The following PARD3B variants were observed in gnomAD, a reference collection of about 807,000 sequenced individuals.
The protein encoded by PARD3B is partitioning defective 3 homolog B.
PARD3B carries 103 observed loss-of-function variants against 130.2 expected under a neutral mutation model. The observed-to-expected ratio is 0.79, with a 90% CI of 0.67 to 0.93. The LOEUF (loss-of-function observed/expected upper bound fraction) is 0.93, where lower values mean the gene tolerates loss of function less well. Ranked by LOEUF, PARD3B falls within the 40% of genes least tolerant of loss-of-function variation. The pLI, the probability that PARD3B is intolerant of heterozygous loss-of-function variation, is 0.00. For missense variants in PARD3B, 1,609 were observed against 1,499.2 expected, an observed-to-expected ratio of 1.07 and a Z score of -1.21; for synonymous variants, 583 against 553.2, an observed-to-expected ratio of 1.05 and a Z score of -0.76.
chr2:205,318,442 C>T (rs536085105), intron 18 of PARD3B, among the ~76,000 whole-genome samples: 13 of 152,242 alleles, frequency 8.5e-5, no homozygotes, highest in African/African-American at 1.2e-4. Flanking sequence ...CATTAAATGT[C>T]GAGTGATATG....
intron 22 of PARD3B, among the ~76,000 whole-genome samples, chr2:205,567,028 G>A (rs6743334): frequency 0.96 from 145,619 of 152,306 alleles, 69,933 homozygotes; most frequent in East Asian, 1. Flanking sequence ...AAGAAGAAAC[G>A]GTGGAAACTG....
At chr2:204,953,297 T>G (rs1400189740) in intron 2 of PARD3B, among the ~76,000 whole-genome samples, 2 of 152,138 alleles carry the variant, frequency 1.3e-5, no homozygotes, top group Non-Finnish European at 2.9e-5. Context: ...TTTTCTTTAT[T>G]TGTCTTTATG....
chr2:204,854,219 G>C (rs1386669146), intron 2 of PARD3B, among the ~76,000 whole-genome samples: 2 of 152,160 alleles, frequency 1.3e-5, no homozygotes, highest in Non-Finnish European at 2.9e-5. Context: ...GAGTAAATTG[G>C]AATAAAGATG....
rs1306360709 is a variant in PARD3B, at chr2:205,054,420, ATATATATATATATATATTTT to A, written c.504+6732_504+6751del. Among the ~76,000 whole-genome samples the A allele has an allele frequency of 7.1e-4, 13 of 18,274 alleles. 1 individual carries two copies. Among genetic ancestry groups the A allele is most frequent in the Admixed American group, 4.2e-3 (10 of 2,358 alleles). The allele number at this position is 18,274 out of a possible 152,430, so 12.0% of individuals were successfully genotyped here. On this transcript the variant is annotated intron_variant, in intron 4 of 22. Coordinates refer to ENST00000406610, the MANE Select transcript of PARD3B (RefSeq NM_001302769.2). ...ACATGTCTTTTATATATATATATAT[ATATATATATATATATATTTT>A]TTTTTTTTTTTTTTTTTAATTATAC...
At chr2:204,693,200 A>T (rs1480753626) in intron 2 of PARD3B, among the ~76,000 whole-genome samples, 1 of 151,972 alleles carries the variant, frequency 6.6e-6, no homozygotes, top group Non-Finnish European at 1.5e-5. Context: ...TCTTTCCTTT[A>T]TCCTTTCCCA....
chr2:204,754,486 TATA>T (rs1264747183), intron 2 of PARD3B, among the ~76,000 whole-genome samples: 5 of 152,162 alleles, frequency 3.3e-5, no homozygotes, highest in Admixed American at 6.6e-5. Flanking sequence ...AGAAAGTAAG[TATA>T]ATAATAGAAC....
intron 2 of PARD3B, among the ~76,000 whole-genome samples, chr2:204,948,375 G>A (rs1689498907): frequency 6.6e-6 from 1 of 152,182 alleles, no homozygotes; most frequent in Non-Finnish European, 1.5e-5. Context: ...CTCCCCATAA[G>A]CTAGAAGCAA....
intron 1 of PARD3B, among the ~76,000 whole-genome samples, chr2:204,569,368 T>C (rs765776903): frequency 1.6e-4 from 24 of 152,216 alleles, no homozygotes; most frequent in Non-Finnish European, 2.4e-4. Flanking sequence ...CCAATTCAGA[T>C]AGTAGATTTG....
At chr2:205,231,411 C>T (rs1011625061) in intron 15 of PARD3B, among the ~76,000 whole-genome samples, 2 of 151,480 alleles carry the variant, frequency 1.3e-5, no homozygotes, top group Admixed American at 6.6e-5. Flanking sequence ...ACTGCAGCCT[C>T]GACCTCCTGG....
intron 2 of PARD3B, among the ~76,000 whole-genome samples, chr2:204,913,725 A>G (rs992714448): frequency 6.6e-6 from 1 of 152,236 alleles, no homozygotes; most frequent in African/African-American, 2.4e-5. Flanking sequence ...CAGTGCCCCA[A>G]TAGACACATA....
At chr2:204,714,935 T>G (rs1386463081) in intron 2 of PARD3B, among the ~76,000 whole-genome samples, 1 of 152,216 alleles carries the variant, frequency 6.6e-6, no homozygotes, top group African/African-American at 2.4e-5. Context: ...GCTGAATGGC[T>G]TTCATGTTAC....
Position 205,011,638 on chromosome 2 carries a change from A to G in PARD3B, c.395-35943A>G, listed in dbSNP as rs1222888399. On this transcript the variant is annotated intron_variant, in intron 3 of 22. Coordinates refer to ENST00000406610, the MANE Select transcript of PARD3B (RefSeq NM_001302769.2). The surrounding 1 kb of genome is among the most constrained non-coding windows in gnomAD (Gnocchi z 4.1). The stretch of plus-strand genomic sequence containing the variant: ...GTGGCCGTCTTGGAGACAGGCTGCC[A>G]TGGACTTCTTTTCTCAATTATTTTC... Among the ~76,000 whole-genome samples, 2 of 152,110 alleles carry G rather than the reference A, an allele frequency of 1.3e-5. No individual in the cohort carries two copies. The highest frequency in any genetic ancestry group is 2.4e-5 in the African/African-American group (1 of 41,430).
intron 20 of PARD3B, among the ~76,000 whole-genome samples, chr2:205,485,861 G>A (rs878900321): frequency 2.0e-5 from 3 of 152,048 alleles, no homozygotes; most frequent in Admixed American, 2.0e-4. Flanking sequence ...GGCCTTTCCT[G>A]ACCTCCCCAA....
At chr2:205,186,776 A>G (rs942411172) in intron 14 of PARD3B, among the ~76,000 whole-genome samples, 1 of 152,188 alleles carries the variant, frequency 6.6e-6, no homozygotes, top group Admixed American at 6.5e-5. Context: ...GATAATCATA[A>G]TAATATTCTA....
chr2:205,447,019 C>T (rs971938802), intron 20 of PARD3B, among the ~76,000 whole-genome samples: 1 of 152,136 alleles, frequency 6.6e-6, no homozygotes, highest in Non-Finnish European at 1.5e-5. Context: ...TGATTGCACA[C>T]AGTATCAGTA....
At chr2:204,980,324 A>C (rs1357402931) in intron 3 of PARD3B, among the ~76,000 whole-genome samples, 1 of 152,224 alleles carries the variant, frequency 6.6e-6, no homozygotes, top group Non-Finnish European at 1.5e-5. Context: ...GTAAATTTGC[A>C]TGAGCCCATA....
At chr2:204,949,430 G>A (rs1291626502) in intron 2 of PARD3B, among the ~76,000 whole-genome samples, 4 of 151,852 alleles carry the variant, frequency 2.6e-5, no homozygotes, top group Non-Finnish European at 5.9e-5. Context: ...TGATCCTCCT[G>A]CCTCAGCCTC....
intron 2 of PARD3B, among the ~76,000 whole-genome samples, chr2:204,822,489 A>G (rs1292885740): frequency 6.6e-6 from 1 of 152,232 alleles, no homozygotes; most frequent in African/African-American, 2.4e-5. Context: ...AACAAAATAC[A>G]AGCACTACAT....
intron 2 of PARD3B, among the ~76,000 whole-genome samples, chr2:204,855,944 C>T (rs2044917529): frequency 6.6e-6 from 1 of 152,098 alleles, no homozygotes; most frequent in Admixed American, 6.6e-5. Flanking sequence ...TTTATTCATT[C>T]ATTTGTTGAT....
Sources: allele counts gnomAD v4.1 joint callset (sites outside exome capture counted in the v4.1 genomes callset), GRCh38; gene constraint gnomAD v4.1.1; non-coding constraint Gnocchi (gnomAD v3.1); transcripts MANE v1.5; gene names NCBI Gene and HGNC (gene_info 2026-07-23, HGNC 2026-07-21).